Variants in DPP10 observed in about 807,000 individuals in gnomAD.
The protein encoded by DPP10 is inactive dipeptidyl peptidase 10.
Under a neutral mutation model 120.9 loss-of-function variants are expected in DPP10, and 33 were observed. That is an observed-to-expected ratio of 0.27 (90% CI 0.21 to 0.37). The LOEUF (loss-of-function observed/expected upper bound fraction) is 0.37. Among genes scored for constraint, DPP10 ranks in the 10% least tolerant of loss-of-function variants. The probability of loss-of-function intolerance (pLI) is 1.00; values close to 1 mark genes in which losing one functional copy is unlikely to be tolerated. For synonymous variants in DPP10, 337 were observed against 326.1 expected (o/e 1.03, Z -0.36); for missense variants, 816 against 942.8 (o/e 0.87, Z 1.76).
intron 1 of DPP10, among the ~76,000 whole-genome samples, chr2:114,863,162 T>C (rs1198669931): frequency 6.6e-6 from 1 of 152,176 alleles, no homozygotes; most frequent in Admixed American, 6.5e-5. Flanking sequence ...GCTCTATGTG[T>C]CCCCTTGAAA....
intron 1 of DPP10, among the ~76,000 whole-genome samples, chr2:114,458,479 A>C (rs888457233): frequency 2.0e-5 from 3 of 152,154 alleles, no homozygotes; most frequent in Non-Finnish European, 4.4e-5. Context: ...GATGAACTTG[A>C]AAATTTTGAC....
At chr2:115,744,961 G>T (rs6704949) in intron 9 of DPP10, among the ~76,000 whole-genome samples, 31,936 of 149,860 alleles carry the variant, frequency 0.21, 4,681 homozygotes, top group Middle Eastern at 0.41. Context: ...AACATATTAA[G>T]TACCTTATTG....
At chr2:115,196,190 G>T (rs1054912799) in intron 1 of DPP10, among the ~76,000 whole-genome samples, 8 of 152,106 alleles carry the variant, frequency 5.3e-5, no homozygotes, top group African/African-American at 1.4e-4. Context: ...TAATTTATTT[G>T]ATATTTAGGA....
At chr2:115,584,692 C>G (rs537409623) in intron 5 of DPP10, among the ~76,000 whole-genome samples, 2 of 152,142 alleles carry the variant, frequency 1.3e-5, no homozygotes. Flanking sequence ...TCAATCATGC[C>G]TCCTTTCCAT....
At chr2:114,956,986 CAA>C (rs764400761) in intron 1 of DPP10, among the ~76,000 whole-genome samples, 4 of 106,946 alleles carry the variant, frequency 3.7e-5, no homozygotes, top group Non-Finnish European at 3.9e-5. Flanking sequence ...TAAAACTATT[CAA>C]AAAAAAAAAA....
At chr2:115,214,941 G>T (rs2056730710) in intron 1 of DPP10, among the ~76,000 whole-genome samples, 1 of 152,150 alleles carries the variant, frequency 6.6e-6, no homozygotes, top group Admixed American at 6.5e-5. Flanking sequence ...TCCTGAGCTT[G>T]CTGTCCTGTT....
chr2:115,028,436 A>C (rs1418205565), intron 1 of DPP10, among the ~76,000 whole-genome samples: 2 of 152,102 alleles, frequency 1.3e-5, no homozygotes. Context: ...GTTTGAGTCC[A>C]CTGTGGTCAG....
chr2:114,490,017 C>T (rs1248629366), intron 1 of DPP10, among the ~76,000 whole-genome samples: 1 of 152,186 alleles, frequency 6.6e-6, no homozygotes, highest in African/African-American at 2.4e-5. Context: ...TATCTATTTG[C>T]TGGTCCAATA....
At chr2:114,734,297 C>G (rs1267337926) in intron 1 of DPP10, among the ~76,000 whole-genome samples, 1 of 151,606 alleles carries the variant, frequency 6.6e-6, no homozygotes, top group Non-Finnish European at 1.5e-5. Context: ...GCAACCTGCT[C>G]TCTCTCTCTC....
intron 19 of DPP10, among the ~76,000 whole-genome samples, chr2:115,797,399 C>G (rs528043358): frequency 6.6e-6 from 1 of 152,080 alleles, no homozygotes; most frequent in South Asian, 2.1e-4. Flanking sequence ...ATCATTTGAT[C>G]TTCTATTTGT....
At chr2:115,393,725 T>A in intron 3 of DPP10, among the ~76,000 whole-genome samples, 1 of 152,344 alleles carries the variant, frequency 6.6e-6, no homozygotes, top group African/African-American at 2.4e-5. Flanking sequence ...TTTGCATAAC[T>A]ACAGAACTCA....
At chr2:115,336,291 G>A (rs1004729406) in intron 2 of DPP10, among the ~76,000 whole-genome samples, 5 of 151,938 alleles carry the variant, frequency 3.3e-5, no homozygotes, top group African/African-American at 1.2e-4. Context: ...AGAACATGGC[G>A]TGAATTATTC....
At chr2:115,176,597 C>T (rs75708765) in intron 1 of DPP10, among the ~76,000 whole-genome samples, 9,661 of 152,078 alleles carry the variant, frequency 0.064, 635 homozygotes, top group East Asian at 0.39. Context: ...TTCCCACTTG[C>T]GGCTGATCAA....
chr2:115,419,026 C>T (rs750375599), intron 3 of DPP10, among the ~76,000 whole-genome samples: 5 of 151,920 alleles, frequency 3.3e-5, no homozygotes, highest in Non-Finnish European at 5.9e-5. Context: ...TTGTTTTTAC[C>T]AAAGTCTACT....
chr2:115,840,847 G>A lies in DPP10; in HGVS notation c.2256+24G>A, dbSNP rs573381458. 63 of 1,595,154 alleles carry A rather than the reference G, an allele frequency of 3.9e-5. 1 individual carries two copies. In the South Asian group the frequency reaches 6.4e-4, roughly 16 times the overall value. On this transcript the variant is annotated intron_variant, in intron 25 of 25. Coordinates refer to ENST00000410059, the MANE Select transcript of DPP10 (RefSeq NM_020868.6). ...AGGTAAGCTACTTTCTTAGAAGAAC[G>A]TGTTTTCCTGCTGTGTTTTTTCACT...
rs181009221 is a variant in DPP10 at position 115,183,088 on chromosome 2, T to A, written c.61-126151T>A. Among the ~76,000 whole-genome samples, 7 of 152,278 alleles carry A rather than the reference T, an allele frequency of 4.6e-5. No individual in the cohort carries two copies. The East Asian group carries it at 1.4e-3, about 29-fold the overall frequency. ...ACGCACATTAACTAAGGGAAAATTTTTACTTTAACACTTCCCTTGGAATAA... is the reference window on the plus strand; with the variant it reads ...ACGCACATTAACTAAGGGAAAATTTATACTTTAACACTTCCCTTGGAATAA... On this transcript the variant is annotated intron_variant, in intron 1 of 25. Coordinates refer to ENST00000410059, the MANE Select transcript of DPP10 (RefSeq NM_020868.6).
chr2:115,146,738 T>A (rs1460308002), intron 1 of DPP10, among the ~76,000 whole-genome samples: 2 of 152,090 alleles, frequency 1.3e-5, no homozygotes, highest in African/African-American at 4.8e-5. Flanking sequence ...GTGGGGTCTT[T>A]GAGAGGTGAT....
intron 11 of DPP10, among the ~76,000 whole-genome samples, chr2:115,757,790 GA>G (rs1319756804): frequency 1.4e-5 from 2 of 139,270 alleles, no homozygotes; most frequent in African/African-American, 5.1e-5. Flanking sequence ...AATATATTAA[GA>G]AAAAAAGAAG....
At chr2:115,753,681 C>A (rs1415598472) in intron 11 of DPP10, among the ~76,000 whole-genome samples, 5 of 151,914 alleles carry the variant, frequency 3.3e-5, no homozygotes, top group Admixed American at 2.6e-4. Context: ...TTAATTTTTT[C>A]TGTAGTTCAG....
Sources: allele counts gnomAD v4.1 joint callset (sites outside exome capture counted in the v4.1 genomes callset), GRCh38; gene constraint gnomAD v4.1.1; transcripts MANE v1.5; gene names NCBI Gene and HGNC (gene_info 2026-07-23, HGNC 2026-07-21).